CLSTN2: variants seen among roughly 807,000 people sequenced by gnomAD.
CLSTN2 encodes calsyntenin-2.
CLSTN2 carries 48 observed loss-of-function variants against 101.2 expected under a neutral mutation model. That is an observed-to-expected ratio of 0.47 (90% confidence interval 0.38 to 0.60). The LOEUF is 0.60. Ranked by LOEUF, CLSTN2 falls within the 20% of genes least tolerant of loss-of-function variation. CLSTN2 has a pLI of 0.00. For synonymous variants in CLSTN2, 481 were observed against 463.6 expected (o/e 1.04, Z -0.48); for missense variants, 1,160 against 1,238.2 (o/e 0.94, Z 0.95).
intron 1 of CLSTN2, among the ~76,000 whole-genome samples, chr3:139,937,621 G>C (rs1935049460): frequency 6.6e-6 from 1 of 151,102 alleles, no homozygotes; most frequent in Admixed American, 6.6e-5. Context: ...ACACGCACCT[G>C]TAATCCCAGC....
chr3:140,365,223 T>C (rs375165290), intron 2 of CLSTN2, among the ~76,000 whole-genome samples: 3 of 152,248 alleles, frequency 2.0e-5, no homozygotes, highest in African/African-American at 7.2e-5. Context: ...CAAACTCATG[T>C]ACAAATGCAT....
At chr3:140,280,635 TG>T (rs2086836788) in intron 2 of CLSTN2, among the ~76,000 whole-genome samples, 1 of 152,194 alleles carries the variant, frequency 6.6e-6, no homozygotes, top group Non-Finnish European at 1.5e-5. Flanking sequence ...TCTGCTTAGT[TG>T]CTTGGCTGTA....
intron 2 of CLSTN2, among the ~76,000 whole-genome samples, chr3:140,269,786 A>AG (rs1310676518): frequency 6.6e-6 from 1 of 152,172 alleles, no homozygotes; most frequent in Non-Finnish European, 1.5e-5. Flanking sequence ...AGGAGTATTG[A>AG]GAGAGGGATT....
At chr3:140,211,398 TCACACACACACACA>T (rs59994883) in intron 2 of CLSTN2, among the ~76,000 whole-genome samples, 1 of 113,406 alleles carries the variant, frequency 8.8e-6, no homozygotes, top group Non-Finnish European at 1.8e-5. Flanking sequence ...GCTTGGTAAT[TCACACACACACACA>T]CACACACACA....
chr3:140,544,795 A>G (rs1279573020), intron 9 of CLSTN2, among the ~76,000 whole-genome samples: 2 of 152,024 alleles, frequency 1.3e-5, no homozygotes, highest in African/African-American at 4.8e-5. Context: ...CATGGTGGGC[A>G]GAGGGGGATC....
chr3:140,289,305 C>T (rs939431567), intron 2 of CLSTN2, among the ~76,000 whole-genome samples: 4 of 151,400 alleles, frequency 2.6e-5, no homozygotes, highest in Non-Finnish European at 5.9e-5. Flanking sequence ...AGCCTGGATC[C>T]AAGCCCAATT....
At chr3:140,371,949 C>A (rs978323609) in intron 2 of CLSTN2, among the ~76,000 whole-genome samples, 2 of 152,034 alleles carry the variant, frequency 1.3e-5, no homozygotes, top group African/African-American at 4.8e-5. Flanking sequence ...CCAGAGAGAC[C>A]AAGCCAGTAA....
intron 2 of CLSTN2, among the ~76,000 whole-genome samples, chr3:140,182,548 C>T (rs1394691367): frequency 1.3e-5 from 2 of 152,162 alleles, no homozygotes; most frequent in Non-Finnish European, 2.9e-5. Context: ...GTAGATGTGC[C>T]TTTGCATTCC....
chr3:140,234,322 ACT>A (rs2086397120), intron 2 of CLSTN2, among the ~76,000 whole-genome samples: 1 of 152,106 alleles, frequency 6.6e-6, no homozygotes. Flanking sequence ...TCTAGACGAC[ACT>A]CTGAGTTCCC....
chr3:140,488,708 T>C (rs1196547702), intron 8 of CLSTN2, among the ~76,000 whole-genome samples: 1 of 139,392 alleles, frequency 7.2e-6, no homozygotes, highest in Non-Finnish European at 1.5e-5. Context: ...GGGAGTATAC[T>C]GGCGAACTGG....
At position 140,562,211 on chromosome 3, in the gene CLSTN2, C is replaced by A. The variant is rs1298187564; in HGVS notation, c.2115C>A (p.Asp705Glu). Reference sequence around the variant, plus strand: ...GTGACATTTTGGTGATCGGAGGGGACTTGGACCCAAGGCAGGAGTGCTTGG... The same window carrying A: ...GTGACATTTTGGTGATCGGAGGGGAATTGGACCCAAGGCAGGAGTGCTTGG... ...DFCDILVIGG[D>E]LDPRQECLEL... Residue 705 changes from aspartate to glutamate, a missense_variant, in exon 13 of 17, where the codon GAC becomes GAA. Coordinates refer to ENST00000458420, the MANE Select transcript of CLSTN2 (RefSeq NM_022131.3). 1 of 1,613,988 alleles carries A rather than the reference C, an allele frequency of 6.2e-7. No individual in the cohort carries two copies. The highest frequency in any genetic ancestry group is 8.5e-7 in the Non-Finnish European group (1 of 1,179,970).
chr3:140,476,894 C>T (rs754192119), intron 8 of CLSTN2, among the ~76,000 whole-genome samples: 15 of 152,076 alleles, frequency 9.9e-5, no homozygotes, highest in Admixed American at 2.6e-4. Flanking sequence ...CTCCTGACCT[C>T]GTGATCCACC....
At chr3:140,443,767 T>G (rs1559871221) in intron 5 of CLSTN2, among the ~76,000 whole-genome samples, 1 of 152,174 alleles carries the variant, frequency 6.6e-6, no homozygotes, top group Non-Finnish European at 1.5e-5. Flanking sequence ...CATTGGAAGG[T>G]CCCTGTGTTA....
chr3:140,335,511 A>AT (rs1345212744), intron 2 of CLSTN2, among the ~76,000 whole-genome samples: 7 of 151,866 alleles, frequency 4.6e-5, no homozygotes. Flanking sequence ...ACCTGAGTCA[A>AT]AAGGCACAGT....
chr3:140,434,024 T>A (rs1336584158), intron 5 of CLSTN2, among the ~76,000 whole-genome samples: 1 of 152,224 alleles, frequency 6.6e-6, no homozygotes, highest in African/African-American at 2.4e-5. Flanking sequence ...GCTCTCTGCA[T>A]GACCCAGTGG....
intron 1 of CLSTN2, among the ~76,000 whole-genome samples, chr3:140,168,148 C>A (rs1252955051): frequency 6.6e-6 from 1 of 152,164 alleles, no homozygotes; most frequent in Non-Finnish European, 1.5e-5. Context: ...TTCTTACCAA[C>A]AATGTCTAAA....
At chr3:140,168,399 A>G (rs1043491176) in intron 1 of CLSTN2, among the ~76,000 whole-genome samples, 10 of 152,144 alleles carry the variant, frequency 6.6e-5, no homozygotes, top group African/African-American at 2.2e-4. Flanking sequence ...AATTATTTAT[A>G]TATTTTGGAT....
chr3:140,336,854 G>A (rs1281005768), intron 2 of CLSTN2, among the ~76,000 whole-genome samples: 2 of 152,170 alleles, frequency 1.3e-5, no homozygotes, highest in African/African-American at 4.8e-5. Context: ...ATGGGCTAAC[G>A]GGGCTGCGTC....
At chr3:140,474,100 GT>G in intron 8 of CLSTN2, among the ~76,000 whole-genome samples, 1 of 152,240 alleles carries the variant, frequency 6.6e-6, no homozygotes, top group East Asian at 1.9e-4. Context: ...AAGCCACAAA[GT>G]TTGTGGTAAT....
Sources: allele counts gnomAD v4.1 joint callset (sites outside exome capture counted in the v4.1 genomes callset), GRCh38; gene constraint gnomAD v4.1.1; transcripts MANE v1.5; gene names NCBI Gene and HGNC (gene_info 2026-07-23, HGNC 2026-07-21).